SYNDIG1L: variants seen among roughly 807,000 people sequenced by gnomAD.
SYNDIG1L encodes synapse differentiation inducing 1 like.
SYNDIG1L carries 13 observed loss-of-function variants against 20.1 expected under a neutral mutation model. The observed-to-expected ratio is 0.65, with a 90% CI of 0.42 to 1.03. The LOEUF (loss-of-function observed/expected upper bound fraction) is 1.03, where lower values mean the gene tolerates loss of function less well. Ranked by LOEUF, SYNDIG1L falls within the 50% of genes least tolerant of loss-of-function variation. The probability of loss-of-function intolerance (pLI) is 0.00; values close to 1 mark genes in which losing one functional copy is unlikely to be tolerated. For missense variants in SYNDIG1L, 294 were observed against 305.1 expected (o/e 0.96, Z 0.27); for synonymous variants, 128 against 129.3 (o/e 0.99, Z 0.07).
chr14:74,410,948 C>T (rs1234633265), intron 1 of SYNDIG1L, among the ~76,000 whole-genome samples: 1 of 152,136 alleles, frequency 6.6e-6, no homozygotes, highest in Non-Finnish European at 1.5e-5. Flanking sequence ...TCAGGGCTTC[C>T]CTTCCTCCTT....
At chr14:74,460,305 C>T in the SYNDIG1L span, among the ~76,000 whole-genome samples, 1 of 152,020 alleles carries the variant, frequency 6.6e-6, no homozygotes, top group Non-Finnish European at 1.5e-5. Context: ...CCTCGCTTTC[C>T]CTATTAACAG....
intron 2 of SYNDIG1L, among the ~76,000 whole-genome samples, chr14:74,408,974 G>A (rs1260312483): frequency 2.0e-5 from 3 of 152,134 alleles, no homozygotes; most frequent in Non-Finnish European, 4.4e-5. Context: ...TTCTTTGGTA[G>A]TATACAGATT....
chr14:74,453,857 T>C, the SYNDIG1L span, among the ~76,000 whole-genome samples: 4 of 151,966 alleles, frequency 2.6e-5, no homozygotes, highest in African/African-American at 9.7e-5. Flanking sequence ...TCCCAGCTAC[T>C]TGGGAGGCTG....
chr14:74,436,847 C>T, the SYNDIG1L span, among the ~76,000 whole-genome samples: 1 of 99,536 alleles, frequency 1.0e-5, no homozygotes, highest in Non-Finnish European at 1.9e-5. Context: ...CGAAACTCGT[C>T]TCAAAAAAAA....
intron 1 of SYNDIG1L, among the ~76,000 whole-genome samples, chr14:74,424,099 A>G (rs1362239240): frequency 6.6e-6 from 1 of 152,172 alleles, no homozygotes; most frequent in Non-Finnish European, 1.5e-5. Context: ...CTAAAAGGTC[A>G]TTAACTTTGT....
chr14:74,429,837 C>A (rs994656987), upstream of SYNDIG1L, among the ~76,000 whole-genome samples: 1 of 152,194 alleles, frequency 6.6e-6, no homozygotes, highest in Admixed American at 6.5e-5. Flanking sequence ...CCCTGGAAAC[C>A]CTTACTGCTT....
chr14:74,475,150 G>A, the SYNDIG1L span, among the ~76,000 whole-genome samples: 8 of 151,916 alleles, frequency 5.3e-5, no homozygotes, highest in Non-Finnish European at 8.8e-5. Context: ...CAAATGCATG[G>A]CAAATGCCTA....
intron 1 of SYNDIG1L, among the ~76,000 whole-genome samples, chr14:74,415,054 C>T (rs764232689): frequency 6.6e-6 from 1 of 152,166 alleles, no homozygotes; most frequent in South Asian, 2.1e-4. Context: ...TTCCAGAAAC[C>T]TCAGGGCTGG....
At chr14:74,412,117 C>T (rs933827954) in intron 1 of SYNDIG1L, among the ~76,000 whole-genome samples, 1 of 152,200 alleles carries the variant, frequency 6.6e-6, no homozygotes, top group African/African-American at 2.4e-5. Flanking sequence ...CTCCTCCTTC[C>T]TCTCTGGGGG....
In SYNDIG1L at chr14:74,409,573, C is replaced by G. The variant is rs767040904; in HGVS notation, c.172G>C (p.Gly58Arg). 6 of 1,520,610 alleles carry G rather than the reference C, an allele frequency of 3.9e-6. No homozygotes were observed. Among genetic ancestry groups the G allele is most frequent in the Non-Finnish European group, 5.3e-6 (6 of 1,135,260 alleles). 94.2% of individuals were successfully genotyped at this position (1,520,610 alleles called of 1,614,324 possible). The change falls in exon 2 of 4, where the codon GGG (glycine) becomes CGG (arginine). Residue 58 changes from glycine (G) to arginine (R), a missense_variant. Transcript: ENST00000331628. ...PAGAHQLLDP[G>R]SLQLAVEAWY... is the part of the protein sequence containing the mutation. ...GCCTCCACGGCCAGCTGCAGGGACC[C>G]TGGGTCCAGGAGCTGGTGGGCTCCG...
At chr14:74,466,460 A>G in the SYNDIG1L span, among the ~76,000 whole-genome samples, 2 of 152,148 alleles carry the variant, frequency 1.3e-5, no homozygotes, top group Non-Finnish European at 2.9e-5. Context: ...ACCCTGAAGG[A>G]ACTCTGCATG....
chr14:74,438,227 T>C, the SYNDIG1L span, among the ~76,000 whole-genome samples: 1 of 152,206 alleles, frequency 6.6e-6, no homozygotes. Context: ...AGTAACCTTA[T>C]GGTGGTTTAG....
chr14:74,444,371 A>T, the SYNDIG1L span, among the ~76,000 whole-genome samples: 1 of 152,038 alleles, frequency 6.6e-6, no homozygotes, highest in Admixed American at 6.6e-5. Context: ...TGCTTCATGA[A>T]TTTATTTTAT....
At chr14:74,443,851 G>A in the SYNDIG1L span, among the ~76,000 whole-genome samples, 1 of 152,088 alleles carries the variant, frequency 6.6e-6, no homozygotes, top group African/African-American at 2.4e-5. Flanking sequence ...TAGGAGTGAG[G>A]GGTCAGGGGG....
In SYNDIG1L at chr14:74,406,682, G is replaced by A. The variant is rs919266369; in HGVS notation, c.*853C>T. 8 of 152,174 alleles carry A rather than the reference G, an allele frequency of 5.3e-5. No homozygotes were observed. Among genetic ancestry groups the A allele is most frequent in the African/African-American group, 1.7e-4 (7 of 41,404 alleles). 9.4% of individuals were successfully genotyped at this position (152,174 alleles called of 1,614,324 possible). On this transcript the variant is annotated 3_prime_UTR_variant, in exon 4 of 4. Coordinates refer to ENST00000331628, the MANE Select transcript of SYNDIG1L (RefSeq NM_001105579.2). ...TGCGCTCAGTGGCTGGTGAGCTGAG[G>A]GCACTCTCTGGGTCTAGTCTACTTG...
At chr14:74,479,398 G>A in the SYNDIG1L span, 1 of 152,190 alleles carries the variant, frequency 6.6e-6, no homozygotes, top group Non-Finnish European at 1.5e-5. Context: ...ACTCAATTGT[G>A]AATGGGGTTG....
At chr14:74,431,597 A>C in the SYNDIG1L span, among the ~76,000 whole-genome samples, 1 of 152,260 alleles carries the variant, frequency 6.6e-6, no homozygotes, top group South Asian at 2.1e-4. Context: ...TCAGCAAATG[A>C]CTGGGCAAGA....
At chr14:74,425,018 G>T (rs1035808348) in intron 1 of SYNDIG1L, among the ~76,000 whole-genome samples, 2 of 152,170 alleles carry the variant, frequency 1.3e-5, no homozygotes, top group East Asian at 1.9e-4. Context: ...TTGGGTTGGA[G>T]GGTGGGGATA....
intron 1 of SYNDIG1L, among the ~76,000 whole-genome samples, chr14:74,424,334 C>T (rs903277757): frequency 6.6e-6 from 1 of 152,166 alleles, no homozygotes; most frequent in Non-Finnish European, 1.5e-5. Flanking sequence ...GCTTCTGACT[C>T]CCAGTTAAAT....
Sources: allele counts gnomAD v4.1 joint callset (sites outside exome capture counted in the v4.1 genomes callset), GRCh38; gene constraint gnomAD v4.1.1; transcripts MANE v1.5; gene names NCBI Gene and HGNC (gene_info 2026-07-23, HGNC 2026-07-21).